Variants in TMEM233 observed in about 807,000 individuals in gnomAD.
TMEM233 encodes dispanin subfamily B member 2.
Under a neutral mutation model 11.2 loss-of-function variants are expected in TMEM233, and 6 were observed. That is an observed-to-expected ratio of 0.54 (90% CI 0.29 to 1.06). The LOEUF (loss-of-function observed/expected upper bound fraction) is 1.06. Ranked by LOEUF, TMEM233 falls within the 50% of genes least tolerant of loss-of-function variation. The pLI, the probability that TMEM233 is intolerant of heterozygous loss-of-function variation, is 0.08. For synonymous variants in TMEM233, 59 were observed against 55.8 expected, an observed-to-expected ratio of 1.06 and a Z score of -0.26; for missense variants, 127 against 144.7, an observed-to-expected ratio of 0.88 and a Z score of 0.63.
At chr12:119,653,744 A>G in the TMEM233 span, among the ~76,000 whole-genome samples, 1 of 152,104 alleles carries the variant, frequency 6.6e-6, no homozygotes, top group Non-Finnish European at 1.5e-5. Flanking sequence ...ACAGGTAAAT[A>G]AAAATTATCC....
chr12:119,593,994 C>G lies in TMEM233; in HGVS notation c.146C>G (p.Ala49Gly), dbSNP rs930173935. Residue 49 changes from alanine (A) to glycine (G), a missense_variant, in exon 1 of 3, where the codon GCG becomes GGG. By Grantham distance (60) the Ala-to-Gly change is moderately conservative. Coordinates refer to ENST00000426426, the MANE Select transcript of TMEM233 (RefSeq NM_001136534.3). This position sits in a 1 kb window ranked among gnomAD's most constrained non-coding sequence, Gnocchi z 4.1. ...WLTIVSCFCP[A>G]YPINIVALVF... ...ACCATCGTCTCGTGTTTTTGCCCTG[C>G]GTACCCCATCAACATCGTGGCTTTG... 6.4e-7 allele frequency: 1 copy of G among 1,551,620 alleles called. No homozygotes were observed. Among genetic ancestry groups the G allele is most frequent in the African/African-American group, 1.4e-5 (1 of 73,064 alleles).
At chr12:119,644,473 CTTT>C (rs1955125826), downstream of TMEM233, among the ~76,000 whole-genome samples, 1 of 139,930 alleles carries the variant, frequency 7.1e-6, no homozygotes, top group African/African-American at 2.6e-5. Flanking sequence ...TTTTCTTTTT[CTTT>C]TCTTTTTTTT....
intron 2 of TMEM233, among the ~76,000 whole-genome samples, chr12:119,638,959 A>G (rs1178572890): frequency 2.0e-5 from 3 of 151,410 alleles, no homozygotes; most frequent in African/African-American, 4.9e-5. Flanking sequence ...CCCCATCCTC[A>G]TCTCCCATCC....
intron 1 of TMEM233, among the ~76,000 whole-genome samples, chr12:119,607,603 A>AT (rs35498864): frequency 0.35 from 51,544 of 145,330 alleles, 9,493 homozygotes; most frequent in African/African-American, 0.44. Flanking sequence ...ATTAGATGCA[A>AT]TTTTTTTTTT....
At chr12:119,639,836 C>G (rs771510140) in intron 2 of TMEM233, among the ~76,000 whole-genome samples, 1 of 152,120 alleles carries the variant, frequency 6.6e-6, no homozygotes, top group Non-Finnish European at 1.5e-5. Flanking sequence ...GCCTGGCACT[C>G]TGTACTCACT....
chr12:119,647,946 C>T (rs1169884101), downstream of TMEM233, among the ~76,000 whole-genome samples: 1 of 152,180 alleles, frequency 6.6e-6, no homozygotes, highest in Non-Finnish European at 1.5e-5. Context: ...CCTCTCAGAT[C>T]TCATCTTCTA....
intron 2 of TMEM233, among the ~76,000 whole-genome samples, chr12:119,632,557 A>G (rs1401226179): frequency 6.6e-6 from 1 of 152,188 alleles, no homozygotes; most frequent in Non-Finnish European, 1.5e-5. Context: ...TCAAAGGAGT[A>G]CAGGGGTCAG....
intron 2 of TMEM233, among the ~76,000 whole-genome samples, chr12:119,633,246 T>C (rs1954919555): frequency 6.6e-6 from 1 of 152,138 alleles, no homozygotes; most frequent in Admixed American, 6.6e-5. Context: ...TTTCCCCATC[T>C]GTAAGGTCAA....
At chr12:119,630,186 T>C (rs552114212) in intron 2 of TMEM233, among the ~76,000 whole-genome samples, 1 of 152,312 alleles carries the variant, frequency 6.6e-6, no homozygotes, top group Admixed American at 6.5e-5. Flanking sequence ...ACAAAAGTAG[T>C]GTGTTAGTCC....
chr12:119,614,218 G>A (rs1381129426), intron 1 of TMEM233, among the ~76,000 whole-genome samples: 1 of 152,100 alleles, frequency 6.6e-6, no homozygotes, highest in Non-Finnish European at 1.5e-5. Context: ...GACCAGCCTG[G>A]CCAACATGTG....
chr12:119,604,433 G>A (rs866201888), intron 1 of TMEM233, among the ~76,000 whole-genome samples: 2 of 152,112 alleles, frequency 1.3e-5, no homozygotes, highest in African/African-American at 4.8e-5. Context: ...TTCTTGGATC[G>A]TAAGGCTAAT....
chr12:119,608,205 C>T (rs1423981233), intron 1 of TMEM233, among the ~76,000 whole-genome samples: 1 of 152,124 alleles, frequency 6.6e-6, no homozygotes, highest in Non-Finnish European at 1.5e-5. Flanking sequence ...CTAATATAAG[C>T]CCACTTTTTG....
At chr12:119,620,961 AC>A (rs1954628696) in intron 1 of TMEM233, among the ~76,000 whole-genome samples, 1 of 151,846 alleles carries the variant, frequency 6.6e-6, no homozygotes, top group Non-Finnish European at 1.5e-5. Flanking sequence ...GCTCACTGTA[AC>A]CTCAAACTCC....
chr12:119,643,506 C>T (rs1041021486), downstream of TMEM233, among the ~76,000 whole-genome samples: 2 of 152,204 alleles, frequency 1.3e-5, no homozygotes, highest in African/African-American at 2.4e-5. Flanking sequence ...CGGTGGCTCA[C>T]GCCTGTAATC....
intron 1 of TMEM233, among the ~76,000 whole-genome samples, chr12:119,601,128 C>G (rs1006667771): frequency 6.6e-6 from 1 of 151,888 alleles, no homozygotes; most frequent in Non-Finnish European, 1.5e-5. Context: ...ATCAAATAAG[C>G]AATATAGAAA....
At chr12:119,607,202 C>T (rs901452054) in intron 1 of TMEM233, among the ~76,000 whole-genome samples, 1 of 152,172 alleles carries the variant, frequency 6.6e-6, no homozygotes, top group Admixed American at 6.5e-5. Flanking sequence ...AGAGCACAAA[C>T]TCTATCATCA....
At chr12:119,620,662 G>C (rs1472668219) in intron 1 of TMEM233, among the ~76,000 whole-genome samples, 2 of 152,130 alleles carry the variant, frequency 1.3e-5, no homozygotes, top group African/African-American at 4.8e-5. Context: ...ACAAAGGAAA[G>C]ATTGCACCAT....
At chr12:119,648,215 T>G in the TMEM233 span, among the ~76,000 whole-genome samples, 3 of 152,198 alleles carry the variant, frequency 2.0e-5, 1 homozygote, top group African/African-American at 7.2e-5. Context: ...CTCCATGGGG[T>G]TTGCCACCAC....
At position 119,595,168 on chromosome 12, in the gene TMEM233, T is replaced by C. The variant is rs528044014; in HGVS notation, c.186+1134T>C. Among the ~76,000 whole-genome samples, 11 of 152,296 alleles carry C rather than the reference T, an allele frequency of 7.2e-5. No individual in the cohort carries two copies. Among genetic ancestry groups the C allele is most frequent in the African/African-American group, 2.4e-4 (10 of 41,574 alleles). ...GAGCGCCTGCTAGGCCCTCGCCTTATTGACTGCAGCAGCTGGCCCGGGGGT... is the reference window on the plus strand; with the variant it reads ...GAGCGCCTGCTAGGCCCTCGCCTTACTGACTGCAGCAGCTGGCCCGGGGGT... On this transcript the variant is annotated intron_variant, in intron 1 of 2. Coordinates refer to ENST00000426426, the MANE Select transcript of TMEM233 (RefSeq NM_001136534.3). This position sits in a 1 kb window ranked among gnomAD's most constrained non-coding sequence, Gnocchi z 4.3.
Sources: allele counts gnomAD v4.1 joint callset (sites outside exome capture counted in the v4.1 genomes callset), GRCh38; gene constraint gnomAD v4.1.1; non-coding constraint Gnocchi (gnomAD v3.1); transcripts MANE v1.5; gene names NCBI Gene and HGNC (gene_info 2026-07-23, HGNC 2026-07-21).